The following SPG11 variants were observed in gnomAD, a reference collection of about 807,000 sequenced individuals.
SPG11 encodes the protein spatacsin.
A neutral mutation model predicts 274.0 loss-of-function variants in SPG11; 222 were observed. The observed-to-expected ratio is 0.81, with a 90% CI of 0.73 to 0.91. The LOEUF (loss-of-function observed/expected upper bound fraction) is 0.91, where lower values mean the gene tolerates loss of function less well. Ranked by LOEUF, SPG11 falls within the 40% of genes least tolerant of loss-of-function variation. The pLI is 0.00. For synonymous variants in SPG11, 1,144 were observed against 1,039.7 expected, an observed-to-expected ratio of 1.10 and a Z score of -1.93; for missense variants, 3,114 against 2,872.7, an observed-to-expected ratio of 1.08 and a Z score of -1.92.
At chr15:44,662,331 A>G (rs1185917539) in intron 1 of SPG11, among the ~76,000 whole-genome samples, 1 of 152,032 alleles carries the variant, frequency 6.6e-6, no homozygotes, top group Admixed American at 6.6e-5. Context: ...CCTTTTGGCT[A>G]CTCATCTTAA....
intron 34 of SPG11, 67 bp from the exon 35 acceptor site, chr15:44,569,572 T>C: frequency 8.2e-7 from 1 of 1,215,388 alleles, no homozygotes; most frequent in Non-Finnish European, 1.2e-6. Flanking sequence ...GCCAGACAAC[T>C]ACCATCAGTG....
intron 2 of SPG11, among the ~76,000 whole-genome samples, 181 bp from the exon 3 acceptor site, chr15:44,659,484 T>C (rs1424885309): frequency 6.6e-6 from 1 of 152,178 alleles, no homozygotes; most frequent in Non-Finnish European, 1.5e-5. Flanking sequence ...GGTAAGAGGA[T>C]GACTAAAGAT....
At chr15:44,610,055 A>G (rs1323634419) in intron 18 of SPG11, among the ~76,000 whole-genome samples, 2 of 151,784 alleles carry the variant, frequency 1.3e-5, no homozygotes, top group African/African-American at 4.8e-5. Flanking sequence ...GGCGTACGCT[A>G]CCATGCCCGG....
intron 33 of SPG11, 127 bp from the exon 34 acceptor site, chr15:44,570,785 C>T (rs936427902): frequency 2.8e-5 from 34 of 1,227,292 alleles, no homozygotes; most frequent in South Asian, 2.6e-4. Flanking sequence ...GTCCCATCAG[C>T]CCTCCGAAGT....
chr15:44,652,217 T>C lies in SPG11; in HGVS notation c.919A>G (p.Ile307Val), dbSNP rs2084803817. 1 of 1,614,106 alleles carries C rather than the reference T, an allele frequency of 6.2e-7. No homozygotes were observed. Among genetic ancestry groups the C allele is most frequent in the Non-Finnish European group, 8.5e-7 (1 of 1,179,980 alleles). ...TCATCTACGCCCTTAGGTCCTTGAA[T>C]AGGAAGATCTTCTAGTATTCTTTCA... is the stretch of plus-strand genomic sequence containing the variant. ...LCERILEDLP[I>V]QGPKGVDEDD... The change falls in exon 5 of 40, where the codon ATT becomes GTT. Residue 307 changes from isoleucine (I) to valine (V), a missense_variant. By Grantham distance (29) the Ile-to-Val change is conservative (BLOSUM62 3). Coordinates refer to ENST00000261866, the MANE Select transcript of SPG11 (RefSeq NM_025137.4).
intron 6 of SPG11, among the ~76,000 whole-genome samples, chr15:44,650,923 T>G (rs2084754786): frequency 6.6e-6 from 1 of 152,136 alleles, no homozygotes; most frequent in African/African-American, 2.4e-5. Context: ...AATTTTTGTA[T>G]TTTTAGTAGA....
At chr15:44,632,517 A>G in intron 8 of SPG11, among the ~76,000 whole-genome samples, 1 of 142,774 alleles carries the variant, frequency 7.0e-6, no homozygotes, top group East Asian at 2.0e-4. Flanking sequence ...GTCTGGGTGA[A>G]TTTTTTTTTT....
chr15:44,655,595 G>A (rs2060765808), intron 4 of SPG11, among the ~76,000 whole-genome samples: 1 of 152,018 alleles, frequency 6.6e-6, no homozygotes, highest in Non-Finnish European at 1.5e-5. Flanking sequence ...TTTCTTTTCT[G>A]TAGCTTACTT....
At chr15:44,595,818 C>G (rs2083021331) in intron 25 of SPG11, among the ~76,000 whole-genome samples, 1 of 152,208 alleles carries the variant, frequency 6.6e-6, no homozygotes, top group Admixed American at 6.5e-5. Flanking sequence ...GGTGGTCAGT[C>G]CACCAAAGCG....
chr15:44,615,279 T>C, intron 16 of SPG11, 84 bp downstream of exon 16: 1 of 1,306,540 alleles, frequency 7.7e-7, no homozygotes, highest in East Asian at 2.3e-5. Context: ...TGCTTACTAT[T>C]TTCCTAAAAG....
At chr15:44,575,090 C>T (rs1330160764) in intron 30 of SPG11, 49 bp from the exon 31 acceptor site, 1 of 1,608,168 alleles carries the variant, frequency 6.2e-7, no homozygotes. Context: ...AGGTTCTGGC[C>T]TCTCCCTAGC....
Position 44,663,651 on chromosome 15 carries a change from G to C in SPG11, c.-4C>G. 1 of 1,591,076 alleles carries C rather than the reference G, an allele frequency of 6.3e-7. No individual in the cohort carries two copies. Among genetic ancestry groups the C allele is most frequent in the Non-Finnish European group, 8.5e-7 (1 of 1,175,142 alleles). ...CGACCCCTTCCTCTGCAGCCATCTT[G>C]GCCCGGCGGTTACTTCCGGTCACTT... On this transcript the variant is annotated 5_prime_UTR_variant, in exon 1 of 40. Transcript: ENST00000261866.
At chr15:44,567,655 G>T in intron 35 of SPG11, 63 bp from the exon 36 acceptor site, 2 of 1,563,474 alleles carry the variant, frequency 1.3e-6, no homozygotes, top group Non-Finnish European at 1.8e-6. Context: ...GACAGGACTA[G>T]CTGAGTCACC....
At position 44,615,489 on chromosome 15, in the gene SPG11, A is replaced by G; in HGVS notation, c.2912T>C (p.Ile971Thr). The G allele has an allele frequency of 6.2e-7, 1 of 1,614,026 alleles. No homozygotes were observed. The highest frequency in any genetic ancestry group is 8.5e-7 in the Non-Finnish European group (1 of 1,179,908). ...GTTTTGAACAGGGAGGGTATCCTGT[A>G]TTACACCTCCAATACGGCTCAGTCT... The part of the protein sequence containing the change: ...LLRLSRIGGV[I>T]QDTLPVQNYK... The change falls in exon 16 of 40, where the codon ATA (isoleucine) becomes ACA (threonine). Residue 971 changes from isoleucine (I) to threonine (T), a missense_variant. Physicochemically the swap from Ile to Thr is moderately conservative, Grantham distance 89. Transcript: ENST00000261866.
At chr15:44,613,113 G>A (rs919222144) in intron 17 of SPG11, among the ~76,000 whole-genome samples, 1 of 152,162 alleles carries the variant, frequency 6.6e-6, no homozygotes, top group Non-Finnish European at 1.5e-5. Flanking sequence ...TGGAAAAAGG[G>A]TGTCAGTCTA....
chr15:44,630,159 G>A (rs2084016808), intron 8 of SPG11, among the ~76,000 whole-genome samples: 1 of 152,218 alleles, frequency 6.6e-6, no homozygotes, highest in Non-Finnish European at 1.5e-5. Context: ...AACAAGAAGT[G>A]TGGGCCCCTG....
Position 44,597,128 on chromosome 15 carries a change from T to C in SPG11, c.4002-185A>G, listed in dbSNP as rs2083065841. On this transcript the variant is annotated intron_variant, in intron 23 of 39. Coordinates refer to ENST00000261866, the MANE Select transcript of SPG11 (RefSeq NM_025137.4). ...GTAGATTCTTTTTTTTTTTTTTTTT[T>C]TTGAGACAGAGTTTCGCTCTTGTTG... is the stretch of plus-strand genomic sequence containing the variant. The C allele has an allele frequency of 6.7e-6, 4 of 600,128 alleles. No individual in the cohort carries two copies. In the South Asian group the frequency reaches 8.1e-5, roughly 12 times the overall value. The allele number at this position is 600,128 out of a possible 1,614,324, so 37.2% of individuals were successfully genotyped here.
chr15:44,601,273 T>A (rs775967155), intron 20 of SPG11, among the ~76,000 whole-genome samples: 3 of 152,160 alleles, frequency 2.0e-5, no homozygotes, highest in African/African-American at 7.2e-5. Context: ...TTTTATTTTT[T>A]TTTTTAAGAC....
chr15:44,564,926 C>T lies in SPG11; in HGVS notation c.7000-228G>A, dbSNP rs574248267. Reference sequence around the variant, plus strand: ...ATCTTAAACCCTTTTTTAAAAAAGACAGGGTCTCACTATGTTGCCCAGGCT... The same window carrying T: ...ATCTTAAACCCTTTTTTAAAAAAGATAGGGTCTCACTATGTTGCCCAGGCT... On this transcript the variant is annotated intron_variant, in intron 38 of 39. Transcript: ENST00000261866. 2.6e-5 allele frequency among the ~76,000 whole-genome samples: 4 copies of T among 152,228 alleles called. No homozygotes were observed. In the East Asian group the frequency reaches 7.7e-4, roughly 29 times the overall value.
Sources: allele counts gnomAD v4.1 joint callset (sites outside exome capture counted in the v4.1 genomes callset), GRCh38; gene constraint gnomAD v4.1.1; transcripts MANE v1.5; gene names NCBI Gene and HGNC (gene_info 2026-07-23, HGNC 2026-07-21).